Variants in COL4A4 observed in about 807,000 individuals in gnomAD.
COL4A4 encodes the protein collagen alpha-4(IV) chain.
A neutral mutation model predicts 192.9 loss-of-function variants in COL4A4; 105 were observed. The ratio of observed to expected loss-of-function variants is 0.54; its 90% CI spans 0.46 to 0.64. The LOEUF is 0.64. Ranked by LOEUF, COL4A4 falls within the 30% of genes least tolerant of loss-of-function variation. COL4A4 has a pLI of 0.00. For synonymous variants in COL4A4, 762 were observed against 769.9 expected (o/e 0.99, Z 0.17); for missense variants, 1,967 against 2,169.3 (o/e 0.91, Z 1.85).
intron 1 of COL4A4, among the ~76,000 whole-genome samples, chr2:227,163,402 A>C (rs1449979142): frequency 6.6e-6 from 1 of 152,262 alleles, no homozygotes; most frequent in Non-Finnish European, 1.5e-5. Context: ...AATAATGATG[A>C]TGCACCTGTG....
chr2:227,127,171 T>C (rs748951571), intron 4 of COL4A4, among the ~76,000 whole-genome samples: 9 of 152,226 alleles, frequency 5.9e-5, no homozygotes, highest in Non-Finnish European at 1.2e-4. Flanking sequence ...ACAGCACCCC[T>C]GGGTTTTTTT....
At chr2:227,045,701 G>A (rs1489268977) in intron 35 of COL4A4, among the ~76,000 whole-genome samples, 2 of 147,944 alleles carry the variant, frequency 1.4e-5, no homozygotes, top group East Asian at 3.9e-4. Flanking sequence ...CCCAGAAGGT[G>A]GAGGTTGCAG....
rs1196715478 is a variant in COL4A4, at chr2:227,108,820, C to T, written c.693+13G>A. On this transcript the variant is annotated intron_variant, in intron 11 of 47. Coordinates refer to ENST00000396625, the MANE Select transcript of COL4A4 (RefSeq NM_000092.5). ...CAGGGCTCTATTGATGTATCTTGCT[C>T]ATGACTGCCTACCTTCAAACCTGGA... 6 of 1,611,072 alleles carry T rather than the reference C, an allele frequency of 3.7e-6. No individual in the cohort carries two copies. The highest frequency in any genetic ancestry group is 1.1e-5 in the South Asian group (1 of 90,508).
intron 2 of COL4A4, among the ~76,000 whole-genome samples, chr2:227,145,784 G>A (rs1008725758): frequency 6.6e-6 from 1 of 152,132 alleles, no homozygotes. Context: ...TCTGGGAGAC[G>A]AGTAACTGGG....
At chr2:227,090,581 C>T (rs115073696) in intron 20 of COL4A4, among the ~76,000 whole-genome samples, 4,146 of 151,732 alleles carry the variant, frequency 0.027, 66 homozygotes, top group South Asian at 0.061. Context: ...AAACCCCCCC[C>T]ATCTCTGCAA....
chr2:227,023,441 CAA>C (rs60646267), intron 43 of COL4A4, among the ~76,000 whole-genome samples: 7 of 124,288 alleles, frequency 5.6e-5, no homozygotes, highest in Admixed American at 8.2e-5. Flanking sequence ...GATTCCATCT[CAA>C]AAAAAAAAAA....
intron 4 of COL4A4, among the ~76,000 whole-genome samples, chr2:227,121,686 T>A (rs956236720): frequency 6.6e-6 from 1 of 152,166 alleles, no homozygotes; most frequent in African/African-American, 2.4e-5. Flanking sequence ...GGCATTGCCC[T>A]TTTTAATCTG....
In COL4A4 at chr2:227,074,314, A is replaced by G. The variant is rs114690478; in HGVS notation, c.1987+3580T>C. Among the ~76,000 whole-genome samples, 758 of 152,260 alleles carry G rather than the reference A, an allele frequency of 5.0e-3. 1 individual carries two copies. Among genetic ancestry groups the G allele is most frequent in the African/African-American group, 0.018 (728 of 41,564 alleles). On this transcript the variant is annotated intron_variant, in intron 25 of 47. Transcript: ENST00000396625. ...ATGTGAAAAAATACTCAACATCACTAATCATTAGGGAAATGCCAATTAAAA... is the reference window on the plus strand; with the variant it reads ...ATGTGAAAAAATACTCAACATCACTGATCATTAGGGAAATGCCAATTAAAA...
chr2:227,160,176 A>G (rs953197803), intron 1 of COL4A4, among the ~76,000 whole-genome samples: 1 of 152,246 alleles, frequency 6.6e-6, no homozygotes, highest in Admixed American at 6.5e-5. Context: ...AAAAATGTTG[A>G]CTTGAGACCA....
intron 2 of COL4A4, among the ~76,000 whole-genome samples, chr2:227,146,964 C>T (rs986886790): frequency 1.3e-4 from 20 of 152,198 alleles, no homozygotes; most frequent in Non-Finnish European, 2.2e-4. Flanking sequence ...TAATTCTATC[C>T]GTAGCTTTAA....
chr2:227,081,967 A>G, intron 23 of COL4A4, 148 bp downstream of exon 23: 1 of 760,370 alleles, frequency 1.3e-6, no homozygotes, highest in Non-Finnish European at 2.3e-6. Flanking sequence ...ATACAACCTT[A>G]TGAAGGGCAG....
intron 25 of COL4A4, among the ~76,000 whole-genome samples, chr2:227,073,399 A>G (rs1402685759): frequency 6.6e-6 from 1 of 152,050 alleles, no homozygotes; most frequent in Non-Finnish European, 1.5e-5. Flanking sequence ...GAAATCATAG[A>G]TGACACAAAT....
At chr2:227,118,552 G>T (rs2061609055) in intron 7 of COL4A4, 93 bp downstream of exon 7, 1 of 978,716 alleles carries the variant, frequency 1.0e-6, no homozygotes, top group Non-Finnish European at 1.6e-6. Context: ...AGGCACACTT[G>T]TATTAACTCT....
At chr2:227,085,774 C>T (rs571522630) in intron 22 of COL4A4, among the ~76,000 whole-genome samples, 2 of 152,114 alleles carry the variant, frequency 1.3e-5, no homozygotes, top group Non-Finnish European at 2.9e-5. Flanking sequence ...CCCCCATGAC[C>T]AAAACACCTC....
chr2:227,129,927 T>G (rs927647157), intron 4 of COL4A4, among the ~76,000 whole-genome samples: 2 of 152,206 alleles, frequency 1.3e-5, no homozygotes, highest in African/African-American at 4.8e-5. Flanking sequence ...TTATCATTCC[T>G]TTCTTTTCTA....
intron 44 of COL4A4, 32 bp downstream of exon 44, chr2:227,022,016 A>G: frequency 6.2e-7 from 1 of 1,603,020 alleles, no homozygotes; most frequent in Non-Finnish European, 8.5e-7. Flanking sequence ...ATATATCATG[A>G]AAATAATGAA....
At chr2:227,075,325 C>A (rs956762220) in intron 25 of COL4A4, among the ~76,000 whole-genome samples, 4 of 152,062 alleles carry the variant, frequency 2.6e-5, no homozygotes, top group Non-Finnish European at 5.9e-5. Flanking sequence ...GGATGCAAGG[C>A]TGGTTCAACA....
chr2:226,970,171 T>C, the COL4A4 span, among the ~76,000 whole-genome samples: 8 of 152,102 alleles, frequency 5.3e-5, no homozygotes, highest in African/African-American at 1.9e-4. Flanking sequence ...CACTGTGCTA[T>C]GTGATCCTTT....
intron 1 of COL4A4, among the ~76,000 whole-genome samples, chr2:227,154,254 T>A (rs2064164867): frequency 6.6e-6 from 1 of 152,190 alleles, no homozygotes; most frequent in Non-Finnish European, 1.5e-5. Flanking sequence ...TTCTTATGAG[T>A]CTCTGCCCAA....
Sources: allele counts gnomAD v4.1 joint callset (sites outside exome capture counted in the v4.1 genomes callset), GRCh38; gene constraint gnomAD v4.1.1; transcripts MANE v1.5; gene names NCBI Gene and HGNC (gene_info 2026-07-23, HGNC 2026-07-21).